The following TRPS1 variants were observed in gnomAD, a reference collection of about 807,000 sequenced individuals.
TRPS1 encodes transcriptional repressor GATA binding 1.
TRPS1 carries 6 observed loss-of-function variants against 101.2 expected under a neutral mutation model. The observed-to-expected ratio is 0.06, with a 90% CI of 0.03 to 0.12. The LOEUF is 0.12. Ranked by LOEUF, TRPS1 falls within the 10% of genes least tolerant of loss-of-function variation. The pLI is 1.00. For missense variants in TRPS1, 1,363 were observed against 1,567.0 expected, an observed-to-expected ratio of 0.87 and a Z score of 2.20; for synonymous variants, 578 against 589.8, an observed-to-expected ratio of 0.98 and a Z score of 0.29.
chr8:115,570,079 T>C (rs1444294484), intron 5 of TRPS1, among the ~76,000 whole-genome samples: 1 of 151,796 alleles, frequency 6.6e-6, no homozygotes, highest in Non-Finnish European at 1.5e-5. Context: ...ACCAGATAAC[T>C]CAGAAAAAAG....
In TRPS1 at chr8:115,488,718, A is replaced by G. The variant is rs953641904; in HGVS notation, c.2701-70266T>C. On this transcript the variant is annotated intron_variant, in intron 5 of 6. Transcript: ENST00000395715. ...AAAAAAACAAACCAGACATTTTTCA[A>G]AGAGCTTCTCTAGAATCTTTTAGAG... is the stretch of plus-strand genomic sequence containing the variant. 7.2e-5 allele frequency among the ~76,000 whole-genome samples: 11 copies of G among 152,234 alleles called. 1 individual carries two copies. The highest frequency in any genetic ancestry group is 2.4e-4 in the African/African-American group (10 of 41,564).
chr8:115,498,996 C>T (rs1563554799), intron 5 of TRPS1, among the ~76,000 whole-genome samples: 1 of 152,002 alleles, frequency 6.6e-6, no homozygotes, highest in African/African-American at 2.4e-5. Context: ...AAATGAAGTA[C>T]TTTTAAATAA....
At chr8:115,511,073 C>T (rs930816463) in intron 5 of TRPS1, 5 of 151,760 alleles carry the variant, frequency 3.3e-5, no homozygotes, top group African/African-American at 7.3e-5. Context: ...AGAGTATACA[C>T]GTCAAGAACT....
At chr8:115,504,225 CTGTCT>C (rs1225742505) in intron 5 of TRPS1, among the ~76,000 whole-genome samples, 2 of 152,102 alleles carry the variant, frequency 1.3e-5, no homozygotes, top group Non-Finnish European at 2.9e-5. Context: ...TGTTTTTAGC[CTGTCT>C]TGTAGATGTC....
intron 5 of TRPS1, among the ~76,000 whole-genome samples, chr8:115,539,174 A>T (rs1032176140): frequency 2.6e-5 from 4 of 152,184 alleles, no homozygotes; most frequent in Non-Finnish European, 1.5e-5. Context: ...AGAAGCAAAG[A>T]ACCCTTCCCT....
chr8:115,541,479 C>CTG (rs1816452897), intron 5 of TRPS1, among the ~76,000 whole-genome samples: 1 of 152,172 alleles, frequency 6.6e-6, no homozygotes, highest in African/African-American at 2.4e-5. Flanking sequence ...AAAAAGTAAC[C>CTG]TCTCTTTGTA....
chr8:115,410,830 A>G lies in TRPS1; in HGVS notation c.*3193T>C, dbSNP rs1322734811. Reference sequence around the variant, plus strand: ...AATGGCACACAATTTTAGCTGGCACATCATTTTCATCACAGGGGAAGCCTT... The same window carrying G: ...AATGGCACACAATTTTAGCTGGCACGTCATTTTCATCACAGGGGAAGCCTT... On this transcript the variant is annotated 3_prime_UTR_variant, in exon 7 of 7. Transcript: ENST00000395715. 1 of 152,058 alleles carries G rather than the reference A, an allele frequency of 6.6e-6. No individual in the cohort carries two copies. The highest frequency in any genetic ancestry group is 1.5e-5 in the Non-Finnish European group (1 of 67,988). The allele number at this position is 152,058 out of a possible 1,614,324, so 9.4% of individuals were successfully genotyped here. A position where few individuals can be genotyped will look rare whatever the true frequency, so the allele number is the denominator to read the frequency against.
At chr8:115,600,184 T>C (rs1301645448) in intron 4 of TRPS1, among the ~76,000 whole-genome samples, 1 of 152,186 alleles carries the variant, frequency 6.6e-6, no homozygotes, top group African/African-American at 2.4e-5. Context: ...GATGATTTTT[T>C]AATTGTAACA....
chr8:115,474,092 T>C (rs1814539739), intron 5 of TRPS1, among the ~76,000 whole-genome samples: 1 of 152,168 alleles, frequency 6.6e-6, no homozygotes, highest in African/African-American at 2.4e-5. Flanking sequence ...GCTCTATACA[T>C]TTTCTAACCA....
At chr8:115,518,334 T>G (rs1021346918) in intron 5 of TRPS1, among the ~76,000 whole-genome samples, 2 of 151,764 alleles carry the variant, frequency 1.3e-5, no homozygotes, top group Non-Finnish European at 2.9e-5. Context: ...AAAACTATTC[T>G]CACTCTAGAA....
intron 5 of TRPS1, among the ~76,000 whole-genome samples, chr8:115,546,802 A>C (rs1816584892): frequency 6.6e-6 from 1 of 152,220 alleles, no homozygotes; most frequent in Non-Finnish European, 1.5e-5. Context: ...CTTTAGTTAA[A>C]ATTTGCTTAC....
At chr8:115,453,795 A>C (rs886425220) in intron 5 of TRPS1, among the ~76,000 whole-genome samples, 2 of 152,268 alleles carry the variant, frequency 1.3e-5, no homozygotes, top group Non-Finnish European at 2.9e-5. Flanking sequence ...ATTAGAGTAT[A>C]TAAAATGTAC....
chr8:115,450,966 A>C (rs1813856365), intron 5 of TRPS1, among the ~76,000 whole-genome samples: 1 of 152,144 alleles, frequency 6.6e-6, no homozygotes, highest in Non-Finnish European at 1.5e-5. Context: ...ATTACAGATA[A>C]AATTTTTCCT....
At chr8:115,480,623 T>C (rs1814728648) in intron 5 of TRPS1, among the ~76,000 whole-genome samples, 1 of 152,022 alleles carries the variant, frequency 6.6e-6, no homozygotes. Flanking sequence ...ATGTGTAACC[T>C]CTCGAAAAAT....
At chr8:115,618,296 A>G (rs572322616) in intron 3 of TRPS1, among the ~76,000 whole-genome samples, 1 of 152,294 alleles carries the variant, frequency 6.6e-6, no homozygotes, top group African/African-American at 2.4e-5. Context: ...AATTTTGACT[A>G]TGCTAAAATT....
intron 1 of TRPS1, among the ~76,000 whole-genome samples, chr8:115,625,226 A>C (rs1461366852): frequency 6.6e-6 from 1 of 151,918 alleles, no homozygotes; most frequent in Non-Finnish European, 1.5e-5. Flanking sequence ...AACATGAGTA[A>C]AAATCGTATG....
chr8:115,586,467 T>A (rs1411231767), intron 5 of TRPS1, among the ~76,000 whole-genome samples: 1 of 152,176 alleles, frequency 6.6e-6, no homozygotes, highest in Non-Finnish European at 1.5e-5. Context: ...TTTCCCCCTC[T>A]TGTTGGCAAC....
intron 5 of TRPS1, among the ~76,000 whole-genome samples, chr8:115,421,228 G>T (rs1187501039): frequency 6.6e-6 from 1 of 151,906 alleles, no homozygotes; most frequent in Non-Finnish European, 1.5e-5. Context: ...CAAGTGATCT[G>T]CCCGCCTCGG....
At chr8:115,458,682 C>T (rs1463439261) in intron 5 of TRPS1, among the ~76,000 whole-genome samples, 1 of 152,120 alleles carries the variant, frequency 6.6e-6, no homozygotes, top group Non-Finnish European at 1.5e-5. Flanking sequence ...GCTAGTATGG[C>T]GTCCAGCACC....
Sources: allele counts gnomAD v4.1 joint callset (sites outside exome capture counted in the v4.1 genomes callset), GRCh38; gene constraint gnomAD v4.1.1; transcripts MANE v1.5; gene names NCBI Gene and HGNC (gene_info 2026-07-23, HGNC 2026-07-21).